The following TRPC4 variants were observed in gnomAD, a reference collection of about 807,000 sequenced individuals.
TRPC4 encodes transient receptor potential cation channel subfamily C member 4, also known as short transient receptor potential channel 4.
Under a neutral mutation model 99.4 loss-of-function variants are expected in TRPC4, and 49 were observed. That is an observed-to-expected ratio of 0.49 (90% CI 0.39 to 0.63). The LOEUF (loss-of-function observed/expected upper bound fraction) is 0.63, where lower values mean the gene tolerates loss of function less well. Among genes scored for constraint, TRPC4 ranks in the 20% least tolerant of loss-of-function variants. The probability of loss-of-function intolerance (pLI) is 0.00; values close to 1 mark genes in which losing one functional copy is unlikely to be tolerated. For synonymous variants in TRPC4, 454 were observed against 425.9 expected (o/e 1.07, Z -0.81); for missense variants, 898 against 1,152.9 (o/e 0.78, Z 3.20).
At chr13:37,849,146 C>A (rs918520693) in intron 1 of TRPC4, among the ~76,000 whole-genome samples, 3 of 152,106 alleles carry the variant, frequency 2.0e-5, no homozygotes, top group South Asian at 2.1e-4. Context: ...GAGGCTCACG[C>A]CCTTCATAGA....
intron 3 of TRPC4, among the ~76,000 whole-genome samples, chr13:37,719,148 A>T (rs1954778953): frequency 6.6e-6 from 1 of 152,162 alleles, no homozygotes; most frequent in Non-Finnish European, 1.5e-5. Context: ...TGACTACGAA[A>T]GACAAAAAAC....
At chr13:37,839,581 T>C (rs987263495) in intron 1 of TRPC4, among the ~76,000 whole-genome samples, 2 of 152,204 alleles carry the variant, frequency 1.3e-5, no homozygotes, top group African/African-American at 2.4e-5. Flanking sequence ...GGGATCATTA[T>C]GTACCAAGCA....
intron 1 of TRPC4, among the ~76,000 whole-genome samples, chr13:37,840,635 T>C (rs946786261): frequency 6.6e-6 from 1 of 151,972 alleles, no homozygotes; most frequent in Admixed American, 6.6e-5. Flanking sequence ...TTATATATGT[T>C]ATAATATTAT....
chr13:37,823,293 T>C (rs1236837569), intron 1 of TRPC4, among the ~76,000 whole-genome samples: 1 of 150,634 alleles, frequency 6.6e-6, no homozygotes, highest in East Asian at 2.0e-4. Flanking sequence ...CCATTTGTCA[T>C]TTTTGGCTTT....
At chr13:37,730,058 G>A (rs868819952) in intron 3 of TRPC4, among the ~76,000 whole-genome samples, 6 of 152,020 alleles carry the variant, frequency 3.9e-5, no homozygotes, top group Admixed American at 3.9e-4. Flanking sequence ...TGGCCACTCA[G>A]AAAGACTACG....
At chr13:37,689,325 C>A (rs1229269621) in intron 4 of TRPC4, among the ~76,000 whole-genome samples, 1 of 152,152 alleles carries the variant, frequency 6.6e-6, no homozygotes, top group Non-Finnish European at 1.5e-5. Context: ...AACAGCCCAA[C>A]AACATAGCAC....
At chr13:37,832,755 C>T (rs1958458416) in intron 1 of TRPC4, among the ~76,000 whole-genome samples, 1 of 152,016 alleles carries the variant, frequency 6.6e-6, no homozygotes, top group Non-Finnish European at 1.5e-5. Context: ...TAAGATCAAA[C>T]TATATACTGT....
chr13:37,673,687 T>C (rs1952941361), intron 5 of TRPC4, among the ~76,000 whole-genome samples: 2 of 152,152 alleles, frequency 1.3e-5, no homozygotes, highest in South Asian at 2.1e-4. Context: ...GTACAAAATC[T>C]GGGGGAGTAA....
At chr13:37,680,617 G>T (rs897659479) in intron 4 of TRPC4, among the ~76,000 whole-genome samples, 2 of 152,194 alleles carry the variant, frequency 1.3e-5, no homozygotes, top group African/African-American at 4.8e-5. Flanking sequence ...GCTCTGGTCT[G>T]CCCCACAAAG....
At chr13:37,738,403 T>C (rs1955469509) in intron 3 of TRPC4, among the ~76,000 whole-genome samples, 1 of 152,164 alleles carries the variant, frequency 6.6e-6, no homozygotes, top group Non-Finnish European at 1.5e-5. Flanking sequence ...ACCCATTGTC[T>C]TCTCTCCCTG....
intron 1 of TRPC4, among the ~76,000 whole-genome samples, chr13:37,786,626 G>A (rs1482557872): frequency 6.6e-6 from 1 of 152,062 alleles, no homozygotes; most frequent in Non-Finnish European, 1.5e-5. Context: ...AGGAGACCCA[G>A]TATTGCAAAT....
chr13:37,821,614 C>A (rs930646761), intron 1 of TRPC4, among the ~76,000 whole-genome samples: 1 of 151,870 alleles, frequency 6.6e-6, no homozygotes. Context: ...GAAAAAGAGA[C>A]ACATAGAGCA....
rs117888322 is a variant in TRPC4 at position 37,669,559 on chromosome 13, A to G, written c.1374+4669T>C. Reference sequence around the variant, plus strand: ...TAATCTTGAAGTCATACATATTTTTATGCTCTGTCTTTGCACATTATAATA... The same window carrying G: ...TAATCTTGAAGTCATACATATTTTTGTGCTCTGTCTTTGCACATTATAATA... On this transcript the variant is annotated intron_variant, in intron 5 of 10. Transcript: ENST00000379705. Among the ~76,000 whole-genome samples the G allele has an allele frequency of 4.3e-3, 651 of 152,310 alleles. 15 individuals carry two copies. Among genetic ancestry groups the G allele is most frequent in the Admixed American group, 0.032 (488 of 15,288 alleles).
chr13:37,720,368 CCA>C (rs1246454247), intron 3 of TRPC4, among the ~76,000 whole-genome samples: 1 of 152,030 alleles, frequency 6.6e-6, no homozygotes, highest in African/African-American at 2.4e-5. Flanking sequence ...AAAGAGAATG[CCA>C]GATACTTGCC....
At chr13:37,801,354 G>T (rs1349669351) in intron 1 of TRPC4, among the ~76,000 whole-genome samples, 1 of 152,042 alleles carries the variant, frequency 6.6e-6, no homozygotes, top group African/African-American at 2.4e-5. Context: ...ATGTTCTCCT[G>T]CATCATCCTT....
chr13:37,842,372 G>GAAAAA lies in TRPC4; in HGVS notation c.-28+27222_-28+27223insTTTTT, dbSNP rs1566216069. ...AAAAAAAAAAAAAAAAAAAAAAAAG[G>GAAAAA]AAAAGGAAAAGTATAAATCGGGGGC... On this transcript the variant is annotated intron_variant, in intron 1 of 10. Coordinates refer to ENST00000379705, the MANE Select transcript of TRPC4 (RefSeq NM_016179.4). Among the ~76,000 whole-genome samples the GAAAAA allele has an allele frequency of 6.9e-4, 50 of 72,122 alleles. 2 individuals carry two copies. The highest frequency in any genetic ancestry group is 1.4e-3 in the East Asian group (3 of 2,188). The allele number at this position is 72,122 out of a possible 152,430, so 47.3% of individuals were successfully genotyped here. A position where few individuals can be genotyped will look rare whatever the true frequency, so the allele number is the denominator to read the frequency against.
chr13:37,728,578 A>ACAT (rs1955137593), intron 3 of TRPC4, among the ~76,000 whole-genome samples: 1 of 152,106 alleles, frequency 6.6e-6, no homozygotes, highest in Non-Finnish European at 1.5e-5. Flanking sequence ...GGATTGGAAG[A>ACAT]CTTAATAGTA....
At chr13:37,720,954 C>T (rs1271812767) in intron 3 of TRPC4, among the ~76,000 whole-genome samples, 1 of 152,184 alleles carries the variant, frequency 6.6e-6, no homozygotes, top group Non-Finnish European at 1.5e-5. Context: ...ATGTTTGCCA[C>T]TGCCTGGCAA....
chr13:37,725,979 C>G (rs2139057407), intron 3 of TRPC4, among the ~76,000 whole-genome samples: 1 of 152,190 alleles, frequency 6.6e-6, no homozygotes, highest in Non-Finnish European at 1.5e-5. Context: ...AGGCGGATCA[C>G]AAGGTCAGGA....
Sources: allele counts gnomAD v4.1 joint callset (sites outside exome capture counted in the v4.1 genomes callset), GRCh38; gene constraint gnomAD v4.1.1; transcripts MANE v1.5; gene names NCBI Gene and HGNC (gene_info 2026-07-23, HGNC 2026-07-21).